Variants in TENM2 observed in about 807,000 individuals in gnomAD.
TENM2 encodes the protein teneurin-2.
TENM2 carries 52 observed loss-of-function variants against 245.2 expected under a neutral mutation model. That is an observed-to-expected ratio of 0.21 (90% CI 0.17 to 0.27). The LOEUF (loss-of-function observed/expected upper bound fraction) is 0.27. TENM2 is among the 10% of genes least tolerant of loss of function. TENM2 has a pLI of 1.00. For synonymous variants in TENM2, 1,363 were observed against 1,438.9 expected (o/e 0.95, Z 1.19); for missense variants, 3,046 against 3,666.8 (o/e 0.83, Z 4.37).
At chr5:167,650,939 A>T (rs575935396) in intron 2 of TENM2, among the ~76,000 whole-genome samples, 20 of 152,298 alleles carry the variant, frequency 1.3e-4, no homozygotes, top group Non-Finnish European at 2.4e-4. Flanking sequence ...TAAAAACTAA[A>T]TTCTGGAGTC....
At chr5:167,121,379 A>G in the TENM2 span, among the ~76,000 whole-genome samples, 1 of 152,212 alleles carries the variant, frequency 6.6e-6, no homozygotes, top group Non-Finnish European at 1.5e-5. Flanking sequence ...CTGAACTTGA[A>G]TGAGAAGAAA....
At chr5:168,146,970 G>A (rs1756143717) in intron 12 of TENM2, among the ~76,000 whole-genome samples, 1 of 152,228 alleles carries the variant, frequency 6.6e-6, no homozygotes, top group Non-Finnish European at 1.5e-5. Flanking sequence ...CTGCAGGAGT[G>A]TGTCCTTGGT....
At chr5:167,439,008 A>T (rs1764736637) in intron 2 of TENM2, among the ~76,000 whole-genome samples, 1 of 151,482 alleles carries the variant, frequency 6.6e-6, no homozygotes, top group Non-Finnish European at 1.5e-5. Context: ...TAGCCAGGCT[A>T]GTCTCAAACT....
intron 7 of TENM2, among the ~76,000 whole-genome samples, chr5:168,088,486 G>A (rs2152237241): frequency 6.6e-6 from 1 of 152,286 alleles, no homozygotes; most frequent in East Asian, 1.9e-4. Context: ...CTAAGCAGCG[G>A]CCGTCACCAG....
chr5:168,236,077 G>A (rs1307852338), intron 25 of TENM2, among the ~76,000 whole-genome samples: 1 of 152,190 alleles, frequency 6.6e-6, no homozygotes, highest in Non-Finnish European at 1.5e-5. Flanking sequence ...GAGTAAACCA[G>A]CTGAGGGTAA....
chr5:167,955,987 GT>G (rs1207659044), intron 4 of TENM2, among the ~76,000 whole-genome samples: 1 of 152,198 alleles, frequency 6.6e-6, no homozygotes, highest in Admixed American at 6.5e-5. Context: ...ATTTTAAGTA[GT>G]TTTTTCTAAT....
intron 2 of TENM2, among the ~76,000 whole-genome samples, chr5:167,549,440 T>C (rs1420603412): frequency 6.6e-6 from 1 of 152,240 alleles, no homozygotes; most frequent in Admixed American, 6.5e-5. Flanking sequence ...TATCAGCTAG[T>C]CAACTGCTAT....
chr5:167,719,496 T>A (rs1161655118), intron 2 of TENM2, among the ~76,000 whole-genome samples: 1 of 152,134 alleles, frequency 6.6e-6, no homozygotes, highest in African/African-American at 2.4e-5. Context: ...GGAAAAGATG[T>A]GTTTCTAAGG....
intron 2 of TENM2, among the ~76,000 whole-genome samples, chr5:167,404,787 T>G (rs1260517246): frequency 6.6e-6 from 1 of 152,204 alleles, no homozygotes; most frequent in African/African-American, 2.4e-5. Flanking sequence ...GATTAAGACA[T>G]AATTCACATA....
intron 1 of TENM2, among the ~76,000 whole-genome samples, chr5:167,295,570 C>T (rs1245240678): frequency 6.6e-6 from 1 of 152,144 alleles, no homozygotes; most frequent in Non-Finnish European, 1.5e-5. Flanking sequence ...GTGGCACTGC[C>T]CCACCCACTG....
rs756878821 is a variant in TENM2 at position 168,218,113 on chromosome 5, C to T, written c.4234-12C>T. ...AAGGCTGTTCTTTAATCTGATACCA[C>T]GTCATCCACAGGTTCGTCTGGAGTG... On this transcript the variant is annotated splice_polypyrimidine_tract_variant and intron_variant, in intron 22 of 28. Coordinates refer to ENST00000518659, the Ensembl canonical transcript of TENM2. This position sits in a 1 kb window ranked among gnomAD's most constrained non-coding sequence, Gnocchi z 5.2. 5.0e-6 allele frequency: 8 copies of T among 1,607,302 alleles called. No individual in the cohort carries two copies. In the African/African-American group the frequency reaches 8.0e-5, roughly 16 times the overall value.
chr5:167,886,335 A>G (rs1316298813), intron 3 of TENM2, among the ~76,000 whole-genome samples: 2 of 152,214 alleles, frequency 1.3e-5, no homozygotes, highest in African/African-American at 2.4e-5. Flanking sequence ...AAGAAATAAA[A>G]TGTAGTCATC....
At chr5:168,099,008 C>T (rs1381112084) in intron 9 of TENM2, among the ~76,000 whole-genome samples, 1 of 152,162 alleles carries the variant, frequency 6.6e-6, no homozygotes, top group Non-Finnish European at 1.5e-5. Context: ...GTCCTGGTTT[C>T]AAGCAATTAT....
At chr5:167,623,882 A>G (rs1485851859) in intron 2 of TENM2, among the ~76,000 whole-genome samples, 1 of 152,172 alleles carries the variant, frequency 6.6e-6, no homozygotes, top group Non-Finnish European at 1.5e-5. Context: ...ACCATCTCAC[A>G]CCAGTCAGAA....
chr5:166,990,597 G>C, the TENM2 span, among the ~76,000 whole-genome samples: 1 of 151,538 alleles, frequency 6.6e-6, no homozygotes. Flanking sequence ...TCCAGTTTGG[G>C]GAATTCGGAG....
At chr5:168,025,920 T>G (rs1342452984) in intron 5 of TENM2, among the ~76,000 whole-genome samples, 1 of 152,176 alleles carries the variant, frequency 6.6e-6, no homozygotes, top group African/African-American at 2.4e-5. Context: ...GGAGAGGGCC[T>G]ATTTGAGCTC....
the TENM2 span, among the ~76,000 whole-genome samples, chr5:167,019,724 C>T: frequency 1.3e-5 from 2 of 152,062 alleles, no homozygotes; most frequent in African/African-American, 4.8e-5. Context: ...CTCGCCTCAG[C>T]CTCCCAAAAT....
chr5:167,172,943 C>T, the TENM2 span, among the ~76,000 whole-genome samples: 1 of 152,104 alleles, frequency 6.6e-6, no homozygotes, highest in African/African-American at 2.4e-5. Context: ...GCATTCATTC[C>T]TGAATTTGGC....
At chr5:167,993,758 A>T (rs1783846450) in intron 5 of TENM2, among the ~76,000 whole-genome samples, 1 of 152,192 alleles carries the variant, frequency 6.6e-6, no homozygotes, top group African/African-American at 2.4e-5. Flanking sequence ...TCCCTTCCAC[A>T]GCCTCTGTCT....
Sources: allele counts gnomAD v4.1 joint callset (sites outside exome capture counted in the v4.1 genomes callset), GRCh38; gene constraint gnomAD v4.1.1; non-coding constraint Gnocchi (gnomAD v3.1); transcripts MANE v1.5; gene names NCBI Gene and HGNC (gene_info 2026-07-23, HGNC 2026-07-21).